The following KLHL1 variants were observed in gnomAD, a reference collection of about 807,000 sequenced individuals.
KLHL1 encodes kelch like family member 1.
A neutral mutation model predicts 77.7 loss-of-function variants in KLHL1; 47 were observed. That is an observed-to-expected ratio of 0.60 (90% CI 0.48 to 0.77). The LOEUF is 0.77. KLHL1 is among the 30% of genes least tolerant of loss of function. The pLI is 0.00. For synonymous variants in KLHL1, 360 were observed against 325.2 expected (o/e 1.11, Z -1.15); for missense variants, 925 against 910.8 (o/e 1.02, Z -0.20).
intron 5 of KLHL1, among the ~76,000 whole-genome samples, chr13:69,861,719 G>C (rs1166581385): frequency 6.7e-6 from 1 of 149,912 alleles, no homozygotes; most frequent in African/African-American, 2.5e-5. Flanking sequence ...GGAGTGTTCA[G>C]GGTGGATCAC....
chr13:69,887,339 T>G (rs1881257389), intron 4 of KLHL1, among the ~76,000 whole-genome samples: 1 of 152,198 alleles, frequency 6.6e-6, no homozygotes, highest in Non-Finnish European at 1.5e-5. Flanking sequence ...GGCTGTTTCC[T>G]CAGAGGGCAC....
intron 5 of KLHL1, among the ~76,000 whole-genome samples, chr13:69,860,235 C>T (rs1311908872): frequency 2.0e-5 from 3 of 151,932 alleles, no homozygotes; most frequent in African/African-American, 7.2e-5. Context: ...ACTTTCTATA[C>T]ACAAGATATG....
chr13:69,759,240 A>G (rs977780419), intron 7 of KLHL1, among the ~76,000 whole-genome samples: 1 of 152,154 alleles, frequency 6.6e-6, no homozygotes, highest in Admixed American at 6.6e-5. Context: ...ACTCAAAACT[A>G]AAGACGTAAG....
At chr13:70,102,082 G>A (rs73518771) in intron 1 of KLHL1, among the ~76,000 whole-genome samples, 4,901 of 152,074 alleles carry the variant, frequency 0.032, 286 homozygotes, top group African/African-American at 0.11. Context: ...TGAGAACCAC[G>A]TTCCTGAGAA....
Position 69,799,872 on chromosome 13 carries a change from G to A in KLHL1, c.1415-2910C>T, listed in dbSNP as rs369124098. Among the ~76,000 whole-genome samples the A allele has an allele frequency of 7.2e-5, 11 of 152,208 alleles. No individual in the cohort carries two copies. The East Asian group carries it at 1.7e-3, about 24-fold the overall frequency. On this transcript the variant is annotated intron_variant, in intron 6 of 10. Coordinates refer to ENST00000377844, the MANE Select transcript of KLHL1 (RefSeq NM_020866.3). ...CACAGCAGGAGGTGAGCGGCACCCC[G>A]AGCTCCACCTTCTGTCAGACCAGCC...
At chr13:69,711,165 T>TA (rs1232031609) in intron 9 of KLHL1, among the ~76,000 whole-genome samples, 1 of 152,112 alleles carries the variant, frequency 6.6e-6, no homozygotes, top group African/African-American at 2.4e-5. Flanking sequence ...GTTTTAAATA[T>TA]AAAAACATTA....
At chr13:70,040,509 TAGGC>T (rs1433586030) in intron 1 of KLHL1, among the ~76,000 whole-genome samples, 1 of 152,196 alleles carries the variant, frequency 6.6e-6, no homozygotes, top group Non-Finnish European at 1.5e-5. Context: ...GTTCTCTCTT[TAGGC>T]ACTTGAAAAC....
chr13:70,051,307 CT>C (rs1286105684), intron 1 of KLHL1, among the ~76,000 whole-genome samples: 1 of 151,938 alleles, frequency 6.6e-6, no homozygotes, highest in Non-Finnish European at 1.5e-5. Flanking sequence ...AATTCTTTTT[CT>C]GTGTATTCTT....
intron 1 of KLHL1, among the ~76,000 whole-genome samples, chr13:70,094,690 A>G (rs565300578): frequency 1.3e-5 from 2 of 152,176 alleles, no homozygotes; most frequent in South Asian, 2.1e-4. Context: ...ACGGAACTTC[A>G]ATGCTTTTGT....
intron 4 of KLHL1, among the ~76,000 whole-genome samples, chr13:69,913,340 TGC>T (rs1456511916): frequency 1.3e-5 from 2 of 152,118 alleles, no homozygotes; most frequent in Admixed American, 1.3e-4. Flanking sequence ...CTTCCAAGCT[TGC>T]CAGCATCTCC....
chr13:69,765,501 C>G (rs1282274988), intron 7 of KLHL1, among the ~76,000 whole-genome samples: 2 of 152,008 alleles, frequency 1.3e-5, no homozygotes, highest in South Asian at 2.1e-4. Context: ...AGAGTCAATA[C>G]TAGGTAATAT....
intron 7 of KLHL1, among the ~76,000 whole-genome samples, chr13:69,779,089 T>C (rs929000132): frequency 6.6e-6 from 1 of 152,072 alleles, no homozygotes; most frequent in Non-Finnish European, 1.5e-5. Context: ...TAAGCCACCA[T>C]GCCCGGTCAG....
chr13:69,935,420 C>T (rs1451487643), intron 4 of KLHL1, among the ~76,000 whole-genome samples: 1 of 151,530 alleles, frequency 6.6e-6, no homozygotes, highest in East Asian at 1.9e-4. Context: ...AGATAGACAA[C>T]AAAAACAACA....
chr13:70,060,898 T>TA (rs1303110615), intron 1 of KLHL1, among the ~76,000 whole-genome samples: 1 of 151,902 alleles, frequency 6.6e-6, no homozygotes, highest in Non-Finnish European at 1.5e-5. Flanking sequence ...CCTTCAGCTA[T>TA]AAAAAAAGAA....
In KLHL1 at chr13:69,897,525, T is replaced by A. The variant is rs1593928748; in HGVS notation, c.1015-15030A>T. Among the ~76,000 whole-genome samples the A allele has an allele frequency of 2.0e-5, 3 of 152,358 alleles. No homozygotes were observed. The East Asian group carries it at 5.8e-4, about 29-fold the overall frequency. ...AGATATCCTTGAAACGTAGTTATACTTGCCTTCACAATAAATGAGAAAATA... is the reference window on the plus strand; with the variant it reads ...AGATATCCTTGAAACGTAGTTATACATGCCTTCACAATAAATGAGAAAATA... On this transcript the variant is annotated intron_variant, in intron 4 of 10. Coordinates refer to ENST00000377844, the MANE Select transcript of KLHL1 (RefSeq NM_020866.3).
intron 1 of KLHL1, among the ~76,000 whole-genome samples, chr13:70,000,175 G>T (rs1407240947): frequency 6.6e-6 from 1 of 151,442 alleles, no homozygotes; most frequent in South Asian, 2.1e-4. Flanking sequence ...ATTATAAAAA[G>T]GGAAAAACAT....
chr13:69,931,334 G>T (rs1333674528), intron 4 of KLHL1, among the ~76,000 whole-genome samples: 1 of 151,626 alleles, frequency 6.6e-6, no homozygotes, highest in East Asian at 1.9e-4. Flanking sequence ...TTATCTTTAA[G>T]AAATCACCTA....
At position 69,958,380 on chromosome 13, in the gene KLHL1, G is replaced by A. The variant is rs191199621; in HGVS notation, c.817+2928C>T. ...AAATGTTGGATGAGTTCAACATGGA[G>A]AGTGTTTCCCATATCTTAATATGTA... On this transcript the variant is annotated intron_variant, in intron 3 of 10. Coordinates refer to ENST00000377844, the MANE Select transcript of KLHL1 (RefSeq NM_020866.3). Among the ~76,000 whole-genome samples the A allele has an allele frequency of 3.7e-3, 564 of 151,770 alleles. 1 individual carries two copies. Among genetic ancestry groups the A allele is most frequent in the Middle Eastern group, 0.01 (3 of 294 alleles).
At chr13:69,869,406 A>C (rs2138171009) in intron 5 of KLHL1, among the ~76,000 whole-genome samples, 1 of 152,276 alleles carries the variant, frequency 6.6e-6, no homozygotes, top group East Asian at 1.9e-4. Flanking sequence ...CAACAAGATT[A>C]TTTCTAAGAT....
Sources: gnomAD v4.1 joint callset for allele counts (sites outside exome capture counted in the v4.1 genomes callset) on GRCh38, gnomAD v4.1.1 for gene constraint, MANE v1.5 for transcripts, NCBI Gene and HGNC (gene_info 2026-07-23, HGNC 2026-07-21) for gene names.